SGCZ: variants seen among roughly 807,000 people sequenced by gnomAD.
The protein encoded by SGCZ is zeta-sarcoglycan.
In SGCZ, 40 loss-of-function variants were observed where a neutral mutation model predicts 41.3. The ratio of observed to expected loss-of-function variants is 0.97; its 90% CI spans 0.75 to 1.26. The LOEUF (loss-of-function observed/expected upper bound fraction) is 1.26. Ranked by LOEUF, SGCZ falls within the 50% of genes most tolerant of loss-of-function variation. The pLI, the probability that SGCZ is intolerant of heterozygous loss-of-function variation, is 0.00. For synonymous variants in SGCZ, 206 were observed against 137.5 expected, an observed-to-expected ratio of 1.50 and a Z score of -3.49; for missense variants, 552 against 369.8, an observed-to-expected ratio of 1.49 and a Z score of -4.04.
intron 4 of SGCZ, among the ~76,000 whole-genome samples, chr8:14,214,110 G>A (rs151101110): frequency 1.8e-4 from 28 of 152,236 alleles, no homozygotes; most frequent in African/African-American, 5.3e-4. Context: ...ATTAATTCAT[G>A]TTGATTGCAT....
At chr8:15,168,251 C>A (rs1004699064) in intron 1 of SGCZ, among the ~76,000 whole-genome samples, 2 of 152,170 alleles carry the variant, frequency 1.3e-5, no homozygotes, top group Non-Finnish European at 2.9e-5. Context: ...AGGCAGATGA[C>A]AACAGAGCTT....
chr8:15,162,048 C>T (rs141256676), intron 1 of SGCZ, among the ~76,000 whole-genome samples: 1 of 152,098 alleles, frequency 6.6e-6, no homozygotes, highest in Admixed American at 6.6e-5. Context: ...GACTATATGC[C>T]TATAGAGATT....
At chr8:14,190,313 G>C (rs1434583770) in intron 4 of SGCZ, among the ~76,000 whole-genome samples, 1 of 151,770 alleles carries the variant, frequency 6.6e-6, no homozygotes, top group African/African-American at 2.4e-5. Context: ...CACCCCGCCA[G>C]CGGAATCTAC....
At chr8:15,219,395 A>G (rs1313180225) in intron 1 of SGCZ, among the ~76,000 whole-genome samples, 9 of 152,180 alleles carry the variant, frequency 5.9e-5, no homozygotes, top group Admixed American at 5.9e-4. Flanking sequence ...GATGTATAAG[A>G]TATATCAACT....
intron 3 of SGCZ, among the ~76,000 whole-genome samples, chr8:14,282,288 G>A (rs1050647945): frequency 2.0e-5 from 3 of 151,888 alleles, no homozygotes; most frequent in African/African-American, 7.3e-5. Context: ...TAGAGTCAGG[G>A]GTAGATTAGA....
chr8:14,819,141 A>C (rs571952062), intron 1 of SGCZ, among the ~76,000 whole-genome samples: 1 of 151,256 alleles, frequency 6.6e-6, no homozygotes, highest in East Asian at 1.9e-4. Context: ...TAAAAAAAAA[A>C]AAGTAAAAGT....
At chr8:14,556,559 C>T (rs1804041470) in intron 1 of SGCZ, among the ~76,000 whole-genome samples, 1 of 151,884 alleles carries the variant, frequency 6.6e-6, no homozygotes, top group African/African-American at 2.4e-5. Flanking sequence ...ATAATGAACC[C>T]AATTTGTAGC....
chr8:15,167,506 G>T (rs1799701949), intron 1 of SGCZ, among the ~76,000 whole-genome samples: 1 of 152,198 alleles, frequency 6.6e-6, no homozygotes, highest in Non-Finnish European at 1.5e-5. Context: ...GTTGTGCTCA[G>T]CTTTAAAAGG....
chr8:15,206,645 C>A (rs1801077058), intron 1 of SGCZ, among the ~76,000 whole-genome samples: 2 of 152,042 alleles, frequency 1.3e-5, no homozygotes. Flanking sequence ...GACGGTGTTT[C>A]ACCATCTTTG....
intron 1 of SGCZ, among the ~76,000 whole-genome samples, chr8:14,752,460 T>C (rs1799528542): frequency 6.6e-6 from 1 of 152,212 alleles, no homozygotes; most frequent in Admixed American, 6.5e-5. Context: ...TGCATTTCAT[T>C]ATTCTCTTTT....
intron 1 of SGCZ, among the ~76,000 whole-genome samples, chr8:15,185,247 A>T (rs1270775357): frequency 6.6e-6 from 1 of 152,254 alleles, no homozygotes. Context: ...GATACTCCTG[A>T]AAATTTCCAC....
At chr8:14,485,833 ATTT>A (rs71209049) in intron 2 of SGCZ, among the ~76,000 whole-genome samples, 15 of 103,380 alleles carry the variant, frequency 1.5e-4, no homozygotes, top group East Asian at 3.0e-4. Context: ...CTCTAGAACA[ATTT>A]TTTTTTTTTT....
chr8:14,117,239 T>C (rs987364512), intron 5 of SGCZ, among the ~76,000 whole-genome samples: 6 of 152,096 alleles, frequency 3.9e-5, no homozygotes, highest in African/African-American at 1.2e-4. Flanking sequence ...AGAGGTAAAA[T>C]ACACAACTTT....
At chr8:14,664,685 C>T (rs1034534335) in intron 1 of SGCZ, among the ~76,000 whole-genome samples, 5 of 152,112 alleles carry the variant, frequency 3.3e-5, no homozygotes, top group African/African-American at 1.2e-4. Context: ...ATGTGTGTCA[C>T]TTAGTGTATG....
rs114063069 is a variant in SGCZ, at chr8:14,371,791, C to T, written c.235-47587G>A. Among the ~76,000 whole-genome samples the T allele has an allele frequency of 3.7e-3, 556 of 152,020 alleles. 4 individuals carry two copies. The highest frequency in any genetic ancestry group is 0.013 in the African/African-American group (531 of 41,492). On this transcript the variant is annotated intron_variant, in intron 2 of 7. Transcript: ENST00000382080. ...AGGGTGACAAATAAAAATTAGGAAA[C>T]GTTATCTTTACATTATTTGTTGTAC...
chr8:14,656,702 T>G (rs968582562), intron 1 of SGCZ, among the ~76,000 whole-genome samples: 8 of 151,596 alleles, frequency 5.3e-5, no homozygotes, highest in African/African-American at 1.5e-4. Flanking sequence ...TCACTCTTTC[T>G]TTCTCCACTG....
intron 4 of SGCZ, among the ~76,000 whole-genome samples, chr8:14,175,125 A>T (rs1804504171): frequency 6.6e-6 from 1 of 152,146 alleles, no homozygotes; most frequent in Admixed American, 6.5e-5. Context: ...AACCTATAAA[A>T]TGTGTCTTCA....
chr8:14,450,767 A>G (rs1800569794), intron 2 of SGCZ, among the ~76,000 whole-genome samples: 2 of 152,146 alleles, frequency 1.3e-5, no homozygotes, highest in African/African-American at 4.8e-5. Flanking sequence ...CCATTGCTAC[A>G]GGGCAAAATC....
chr8:15,154,385 C>T (rs138280330), intron 1 of SGCZ, among the ~76,000 whole-genome samples: 70 of 152,306 alleles, frequency 4.6e-4, no homozygotes, highest in African/African-American at 1.6e-3. Flanking sequence ...TTTTGCTCAG[C>T]CTGGTCATGC....
Sources: allele counts gnomAD v4.1 joint callset (sites outside exome capture counted in the v4.1 genomes callset), GRCh38; gene constraint gnomAD v4.1.1; transcripts MANE v1.5; gene names NCBI Gene and HGNC (gene_info 2026-07-23, HGNC 2026-07-21).